The following RHOU variants were observed in gnomAD, a reference collection of about 807,000 sequenced individuals.
RHOU encodes ras homolog family member U.
Under a neutral mutation model 12.6 loss-of-function variants are expected in RHOU, and 8 were observed. That is an observed-to-expected ratio of 0.64 (90% CI 0.37 to 1.15). The LOEUF is 1.15. Ranked by LOEUF, RHOU falls within the 50% of genes most tolerant of loss-of-function variation. The pLI, the probability that RHOU is intolerant of heterozygous loss-of-function variation, is 0.01. For missense variants in RHOU, 258 were observed against 347.0 expected, an observed-to-expected ratio of 0.74 and a Z score of 2.04; for synonymous variants, 161 against 147.4, an observed-to-expected ratio of 1.09 and a Z score of -0.67.
the RHOU span, among the ~76,000 whole-genome samples, chr1:228,699,514 G>C: frequency 7.5e-6 from 1 of 134,194 alleles, no homozygotes; most frequent in Non-Finnish European, 1.6e-5. Context: ...AGGAGCAGAA[G>C]ATACATGAGT....
chr1:228,670,247 C>G, the RHOU span, among the ~76,000 whole-genome samples: 2 of 152,194 alleles, frequency 1.3e-5, no homozygotes, highest in African/African-American at 4.8e-5. Context: ...CAGTTAAAAC[C>G]TGAGAACAGA....
the RHOU span, among the ~76,000 whole-genome samples, chr1:228,656,438 A>G: frequency 2.0e-5 from 3 of 152,168 alleles, no homozygotes; most frequent in Middle Eastern, 3.4e-3. Context: ...AATACCATTC[A>G]CTTTTTGTTT....
chr1:228,707,128 A>ATG, the RHOU span, among the ~76,000 whole-genome samples: 8 of 67,582 alleles, frequency 1.2e-4, no homozygotes, highest in African/African-American at 1.3e-3. Flanking sequence ...ATATATATAC[A>ATG]TATATATATA....
At position 228,744,016 on chromosome 1, in the gene RHOU, AT is replaced by A. The variant is rs1466976847; in HGVS notation, c.*277del. The stretch of plus-strand genomic sequence containing the variant: ...AGTTCTAGACCTCTGGTTAATTTAT[AT>A]CTAATATGAAGAAGACACCTCTAAT... On this transcript the variant is annotated 3_prime_UTR_variant, in exon 3 of 3. Coordinates refer to ENST00000366691, the MANE Select transcript of RHOU (RefSeq NM_021205.6). The A allele has an allele frequency of 2.9e-6, 1 of 347,080 alleles. No homozygotes were observed. Among genetic ancestry groups the A allele is most frequent in the East Asian group, 6.1e-5 (1 of 16,310 alleles). The allele number at this position is 347,080 out of a possible 1,614,324, so 21.5% of individuals were successfully genotyped here.
chr1:228,646,949 A>T, the RHOU span, among the ~76,000 whole-genome samples: 18 of 152,234 alleles, frequency 1.2e-4, no homozygotes, highest in East Asian at 3.5e-3. Flanking sequence ...AGAGAGGCTA[A>T]GAGGGACAGA....
chr1:228,725,995 A>T, the RHOU span, among the ~76,000 whole-genome samples: 1 of 152,234 alleles, frequency 6.6e-6, no homozygotes. Flanking sequence ...TTACTATCTT[A>T]ATAAATATAA....
At chr1:228,682,981 C>T in the RHOU span, among the ~76,000 whole-genome samples, 1 of 152,050 alleles carries the variant, frequency 6.6e-6, no homozygotes, top group South Asian at 2.1e-4. Flanking sequence ...AAAGGCAGCC[C>T]CATGAGCCCC....
the RHOU span, chr1:228,687,616 C>T: frequency 6.4e-7 from 1 of 1,565,880 alleles, no homozygotes; most frequent in Non-Finnish European, 8.7e-7. Flanking sequence ...GTGAATCAGT[C>T]ACTACTGGAA....
At chr1:228,660,144 C>G in the RHOU span, among the ~76,000 whole-genome samples, 1 of 151,550 alleles carries the variant, frequency 6.6e-6, no homozygotes, top group African/African-American at 2.4e-5. Flanking sequence ...ACAGATGAGA[C>G]CCTGTCTCAA....
At chr1:228,689,141 C>T in the RHOU span, among the ~76,000 whole-genome samples, 1 of 152,232 alleles carries the variant, frequency 6.6e-6, no homozygotes, top group Non-Finnish European at 1.5e-5. Flanking sequence ...TTTGGAGCTT[C>T]TCTTCCCACT....
At chr1:228,667,060 C>T in the RHOU span, among the ~76,000 whole-genome samples, 873 of 152,292 alleles carry the variant, frequency 5.7e-3, 24 homozygotes, top group East Asian at 0.047. Flanking sequence ...TGAGCTGGCT[C>T]TGTTGGAAAT....
At chr1:228,684,632 C>T in the RHOU span, among the ~76,000 whole-genome samples, 3 of 152,148 alleles carry the variant, frequency 2.0e-5, no homozygotes, top group Non-Finnish European at 2.9e-5. Context: ...GCTGACATAA[C>T]TGTTAATATT....
At chr1:228,663,971 C>G in the RHOU span, among the ~76,000 whole-genome samples, 1 of 108,196 alleles carries the variant, frequency 9.2e-6, no homozygotes, top group Non-Finnish European at 1.9e-5. Flanking sequence ...CCTCCCCTCC[C>G]CTCCCCTTCC....
chr1:228,663,531 A>G, the RHOU span, among the ~76,000 whole-genome samples: 1 of 152,076 alleles, frequency 6.6e-6, no homozygotes, highest in African/African-American at 2.4e-5. Context: ...AAAAGTTAAA[A>G]AAAATTAAGC....
chr1:228,727,957 GGGGAGGGAAGTTGGA>G, the RHOU span, among the ~76,000 whole-genome samples: 1,077 of 152,274 alleles, frequency 7.1e-3, 14 homozygotes, highest in African/African-American at 0.025. Flanking sequence ...ATGTGTGTTT[GGGGAGGGAAGTTGGA>G]AATGAATCAG....
chr1:228,657,500 G>A, the RHOU span, among the ~76,000 whole-genome samples: 6 of 152,034 alleles, frequency 3.9e-5, no homozygotes, highest in Non-Finnish European at 8.8e-5. Context: ...AAACATTTAC[G>A]CACCTAGTAA....
the RHOU span, among the ~76,000 whole-genome samples, chr1:228,678,948 C>T: frequency 6.6e-6 from 1 of 152,084 alleles, no homozygotes; most frequent in Admixed American, 6.6e-5. Flanking sequence ...GGCTACAGGG[C>T]GTGGTCCTGG....
the RHOU span, among the ~76,000 whole-genome samples, chr1:228,714,139 C>T: frequency 2.6e-5 from 4 of 152,028 alleles, no homozygotes; most frequent in Admixed American, 2.6e-4. Flanking sequence ...TCCTAATTTG[C>T]TGGGTTTTCA....
At chr1:228,684,640 A>G in the RHOU span, among the ~76,000 whole-genome samples, 1 of 152,156 alleles carries the variant, frequency 6.6e-6, no homozygotes, top group Non-Finnish European at 1.5e-5. Flanking sequence ...AACTGTTAAT[A>G]TTAGTCCTTT....
Sources: gnomAD v4.1 joint callset for allele counts (sites outside exome capture counted in the v4.1 genomes callset) on GRCh38, gnomAD v4.1.1 for gene constraint, MANE v1.5 for transcripts, NCBI Gene and HGNC (gene_info 2026-07-23, HGNC 2026-07-21) for gene names.